Variants in COL2A1 observed in about 807,000 individuals in gnomAD.
COL2A1 encodes the protein collagen alpha-1(II) chain.
A neutral mutation model predicts 204.5 loss-of-function variants in COL2A1; 28 were observed. The ratio of observed to expected loss-of-function variants is 0.14; its 90% CI spans 0.10 to 0.19. The LOEUF is 0.19. Among genes scored for constraint, COL2A1 ranks in the 10% least tolerant of loss-of-function variants. COL2A1 has a pLI of 1.00. For missense variants in COL2A1, 1,388 were observed against 2,027.5 expected, an observed-to-expected ratio of 0.68 and a Z score of 6.06; for synonymous variants, 708 against 718.7, an observed-to-expected ratio of 0.99 and a Z score of 0.24.
chr12:47,994,138 G>A (rs1291516448), intron 12 of COL2A1, 91 bp from the exon 13 acceptor site: 1 of 1,427,854 alleles, frequency 7.0e-7, no homozygotes. Context: ...GTTCCCTTGG[G>A]CCACCAGGGC....
rs1938967050 is a variant in COL2A1, at chr12:47,980,138, T to C, written c.2626-76A>G. On this transcript the variant is annotated intron_variant, in intron 39 of 53. Coordinates refer to ENST00000380518, the MANE Select transcript of COL2A1 (RefSeq NM_001844.5). The surrounding 1 kb of genome is among the most constrained non-coding windows in gnomAD (Gnocchi z 4.5). ...TGGGCTTCTGTCTGAGCCCCAACAA[T>C]GGACCCCTGAGGTTTTCGAAGATGC... The C allele has an allele frequency of 1.5e-6, 2 of 1,332,336 alleles. No homozygotes were observed. The highest frequency in any genetic ancestry group is 1.5e-5 in the African/African-American group (1 of 68,718). The allele number at this position is 1,332,336 out of a possible 1,614,324, so 82.5% of individuals were successfully genotyped here.
intron 52 of COL2A1, 69 bp downstream of exon 52, chr12:47,974,606 C>T: frequency 4.5e-6 from 7 of 1,560,462 alleles, no homozygotes; most frequent in Non-Finnish European, 6.2e-6. Flanking sequence ...TAAAAGCTTC[C>T]AGGGAGAAAG....
intron 31 of COL2A1, 115 bp downstream of exon 31, chr12:47,983,270 C>G: frequency 6.8e-7 from 1 of 1,476,086 alleles, no homozygotes; most frequent in South Asian, 1.2e-5. Context: ...GACATGGGTC[C>G]AGGACATTCC....
Position 47,974,334 on chromosome 12 carries a change from G to A in COL2A1, c.4075-3C>T, listed in dbSNP as rs757931927. 3.1e-6 allele frequency: 5 copies of A among 1,613,878 alleles called. No individual in the cohort carries two copies. In the African/African-American group the frequency reaches 6.7e-5, roughly 22 times the overall value. ...AGATTGTCATCTCCATAGCTGAACT[G>A]TTGGGGCAGAGAGCGGCAGTGTGAG... is the stretch of plus-strand genomic sequence containing the variant. On this transcript the variant is annotated splice_polypyrimidine_tract_variant and splice_region_variant and intron_variant, in intron 52 of 53. Coordinates refer to ENST00000380518, the MANE Select transcript of COL2A1 (RefSeq NM_001844.5).
At chr12:47,981,318 C>T in intron 37 of COL2A1, 25 bp downstream of exon 37, 1 of 1,610,696 alleles carries the variant, frequency 6.2e-7, no homozygotes, top group Non-Finnish European at 8.5e-7. Context: ...CGGGCAGAGC[C>T]AGGCTCAGAG....
Position 47,976,421 on chromosome 12 carries a change from T to C in COL2A1, c.3489+93A>G, listed in dbSNP as rs961476873. ...GAGTGAGGACCCCTGAGCCCACAGC[T>C]TCCCCAGAAGCAGCAGCATTTCCCT... On this transcript the variant is annotated intron_variant, in intron 49 of 53. Transcript: ENST00000380518. This position sits in a 1 kb window ranked among gnomAD's most constrained non-coding sequence, Gnocchi z 4.3. 4.9e-6 allele frequency: 7 copies of C among 1,437,178 alleles called. No individual in the cohort carries two copies. In the East Asian group the frequency reaches 1.4e-4, roughly 28 times the overall value. 89.0% of individuals were successfully genotyped at this position (1,437,178 alleles called of 1,614,324 possible). A position where few individuals can be genotyped will look rare whatever the true frequency, so the allele number is the denominator to read the frequency against.
chr12:47,978,413 G>T lies in COL2A1; in HGVS notation c.2896-15C>A. The T allele has an allele frequency of 6.2e-7, 1 of 1,612,108 alleles. No homozygotes were observed. The highest frequency in any genetic ancestry group is 8.5e-7 in the Non-Finnish European group (1 of 1,178,856). On this transcript the variant is annotated splice_polypyrimidine_tract_variant and intron_variant, in intron 42 of 53. Coordinates refer to ENST00000380518, the MANE Select transcript of COL2A1 (RefSeq NM_001844.5). This position sits in a 1 kb window ranked among gnomAD's most constrained non-coding sequence, Gnocchi z 5.5. ...CCTTCGGCACCCTGAGAGAGGAGAG[G>T]CAGGAGATGAGAACTGACAGTGGCC...
chr12:47,997,501 A>G, intron 7 of COL2A1, 105 bp downstream of exon 7: 2 of 1,602,162 alleles, frequency 1.2e-6, no homozygotes, highest in Non-Finnish European at 1.7e-6. Flanking sequence ...GGCTATGTAC[A>G]CACTGCTGGC....
Position 47,984,881 on chromosome 12 carries a change from C to T in COL2A1, c.1833+114G>A, listed in dbSNP as rs1939304139. Reference sequence around the variant, plus strand: ...CACTGCCACCCATGGCACAGGAGCCCCACTCATCACTGTCCCTGGTTAAAC... The same window carrying T: ...CACTGCCACCCATGGCACAGGAGCCTCACTCATCACTGTCCCTGGTTAAAC... On this transcript the variant is annotated intron_variant, in intron 27 of 53. Coordinates refer to ENST00000380518, the MANE Select transcript of COL2A1 (RefSeq NM_001844.5). The T allele has an allele frequency of 1.1e-5, 10 of 915,242 alleles. No homozygotes were observed. The South Asian group carries it at 1.4e-4, about 13-fold the overall frequency. The allele number at this position is 915,242 out of a possible 1,614,324, so 56.7% of individuals were successfully genotyped here.
At position 47,974,676 on chromosome 12, in the gene COL2A1, T is replaced by C. The variant is rs749485192; in HGVS notation, c.4073A>G (p.His1358Arg). The part of the protein sequence containing the change: ...WFGETINGGF[H>R]FSYGDDNLAP... Reference sequence around the variant, plus strand: ...CATCTAGGGCACCCAGGTACTCACATGGAAGCCACCATTGATGGTTTCTCC... The same window carrying C: ...CATCTAGGGCACCCAGGTACTCACACGGAAGCCACCATTGATGGTTTCTCC... The change falls in exon 52 of 54, where the codon CAT becomes CGT. Residue 1358 changes from histidine to arginine, a missense_variant and splice_region_variant. By Grantham distance (29) the His-to-Arg change is conservative. Coordinates refer to ENST00000380518, the MANE Select transcript of COL2A1 (RefSeq NM_001844.5). 11 of 1,614,052 alleles carry C rather than the reference T, an allele frequency of 6.8e-6. No homozygotes were observed. In the Admixed American group the frequency reaches 1.8e-4, roughly 27 times the overall value.
At chr12:47,979,891 G>C (rs1938945405) in intron 40 of COL2A1, 118 bp downstream of exon 40, 1 of 949,370 alleles carries the variant, frequency 1.1e-6, no homozygotes, top group East Asian at 2.6e-5. Context: ...CTTAGGCTGG[G>C]GACCAACGCA....
Position 47,996,656 on chromosome 12 carries a change from T to G in COL2A1, c.532-31A>C, listed in dbSNP as rs747362793. 5 of 1,590,144 alleles carry G rather than the reference T, an allele frequency of 3.1e-6. No homozygotes were observed. In the South Asian group the frequency reaches 4.4e-5, roughly 14 times the overall value. ...AAGAAACCCAACAACGTTAGGAGGTTGAAAGGCACTAGGTCTTCCCTACTT... is the reference window on the plus strand; with the variant it reads ...AAGAAACCCAACAACGTTAGGAGGTGGAAAGGCACTAGGTCTTCCCTACTT... On this transcript the variant is annotated intron_variant, in intron 7 of 53. Transcript: ENST00000380518.
At position 47,980,403 on chromosome 12, in the gene COL2A1, A is replaced by T; in HGVS notation, c.2625+151T>A. 2 of 774,984 alleles carry T rather than the reference A, an allele frequency of 2.6e-6. No homozygotes were observed. Among genetic ancestry groups the T allele is most frequent in the Non-Finnish European group, 4.5e-6 (2 of 448,530 alleles). 48.0% of individuals were successfully genotyped at this position (774,984 alleles called of 1,614,324 possible). A position where few individuals can be genotyped will look rare whatever the true frequency, so the allele number is the denominator to read the frequency against. ...GTCAGTCCCTACACCCCACCCACAC[A>T]GCCCACATGCCACATGGAAGCTCCT... On this transcript the variant is annotated intron_variant, in intron 39 of 53. Transcript: ENST00000380518. This position sits in a 1 kb window ranked among gnomAD's most constrained non-coding sequence, Gnocchi z 4.5.
rs748788147 is a variant in COL2A1, at chr12:47,978,734, G to A, written c.2758C>T (p.Pro920Ser). 3 of 1,613,040 alleles carry A rather than the reference G, an allele frequency of 1.9e-6. No individual in the cohort carries two copies. Among genetic ancestry groups the A allele is most frequent in the South Asian group, 1.1e-5 (1 of 91,084 alleles). ...SNGNPGPPGP[P>S]GPSGKDGPKG... is the part of the protein sequence containing the mutation. The stretch of plus-strand genomic sequence containing the variant: ...GGACCATCTTTTCCAGAAGGACCAG[G>A]GGGACCAGGGGGTCCAGGGTTGCCC... Residue 920 changes from proline to serine, a missense_variant, in exon 42 of 54, where the codon CCT (proline) becomes TCT (serine). By Grantham distance (74) the Pro-to-Ser change is moderately conservative. This residue lies in a region of COL2A1 where 884 missense variants were observed against 1,415.8 expected (regional missense o/e 0.62). Transcript: ENST00000380518. The surrounding 1 kb of genome is among the most constrained non-coding windows in gnomAD (Gnocchi z 5.5).
At chr12:48,003,973 G>C (rs1940353575) in intron 1 of COL2A1, among the ~76,000 whole-genome samples, 1 of 152,232 alleles carries the variant, frequency 6.6e-6, no homozygotes, top group Non-Finnish European at 1.5e-5. Flanking sequence ...CCAACACTTT[G>C]CAAGTTCAGT....
In COL2A1 at chr12:47,996,577, CGCCACCA is replaced by C; in HGVS notation, c.573_579del (p.Gly192ProfsTer5). ...GGTCCTTGCATTACTCCCAACTGGG[CGCCACCA>C]GCCTTTTCATCAAATCCTCCAGCCA... is the stretch of plus-strand genomic sequence containing the variant. On this transcript the variant is annotated frameshift_variant, in exon 8 of 54. Coordinates refer to ENST00000380518, the MANE Select transcript of COL2A1 (RefSeq NM_001844.5). LOFTEE classifies it high-confidence loss of function. The C allele has an allele frequency of 6.2e-7, 1 of 1,614,204 alleles. No homozygotes were observed. Among genetic ancestry groups the C allele is most frequent in the Non-Finnish European group, 8.5e-7 (1 of 1,180,024 alleles).
In COL2A1 at chr12:47,987,317, A is replaced by G; in HGVS notation, c.1222-4T>C. On this transcript the variant is annotated splice_polypyrimidine_tract_variant and splice_region_variant and intron_variant, in intron 19 of 53. Coordinates refer to ENST00000380518, the MANE Select transcript of COL2A1 (RefSeq NM_001844.5). This position sits in a 1 kb window ranked among gnomAD's most constrained non-coding sequence, Gnocchi z 4.1. ...TTCCATCTGTTCCAGGGTTACCCTG[A>G]AAAGGGAGACATTGTCAAATAAGCA... 6.2e-7 allele frequency: 1 copy of G among 1,614,012 alleles called. No individual in the cohort carries two copies. Among genetic ancestry groups the G allele is most frequent in the Non-Finnish European group, 8.5e-7 (1 of 1,179,932 alleles).
rs766323793 is a variant in COL2A1 at position 47,995,695 on chromosome 12, C to T, written c.708+15G>A. 36 of 1,613,306 alleles carry T rather than the reference C, an allele frequency of 2.2e-5. No individual in the cohort carries two copies. The highest frequency in any genetic ancestry group is 2.5e-5 in the Non-Finnish European group (30 of 1,179,484). On this transcript the variant is annotated intron_variant, in intron 10 of 53. Coordinates refer to ENST00000380518, the MANE Select transcript of COL2A1 (RefSeq NM_001844.5). Reference sequence around the variant, plus strand: ...GGCTCCCCCAGAGAAGGGACAGGGCCGTGCTGGTACTCACAGAGACACCAG... The same window carrying T: ...GGCTCCCCCAGAGAAGGGACAGGGCTGTGCTGGTACTCACAGAGACACCAG...
rs763129192 is a variant in COL2A1, at chr12:47,977,991, AG to A, written c.3111+18del. ...CCCTCTCCCCAATCAGGGCCACCCCAGGGGGTCTCACTGCTCACCTCTCGTC... is the reference window on the plus strand; with the variant it reads ...CCCTCTCCCCAATCAGGGCCACCCCAGGGGTCTCACTGCTCACCTCTCGTC... On this transcript the variant is annotated intron_variant, in intron 44 of 53. Coordinates refer to ENST00000380518, the MANE Select transcript of COL2A1 (RefSeq NM_001844.5). 3.1e-6 allele frequency: 5 copies of A among 1,608,008 alleles called. No homozygotes were observed. The South Asian group carries it at 4.4e-5, about 14-fold the overall frequency.
Sources: gnomAD v4.1 joint callset for allele counts (sites outside exome capture counted in the v4.1 genomes callset) on GRCh38, gnomAD v4.1.1 for gene constraint, gnomAD v4.1.1 regional missense constraint, Gnocchi (gnomAD v3.1) non-coding constraint, MANE v1.5 for transcripts, NCBI Gene and HGNC (gene_info 2026-07-23, HGNC 2026-07-21) for gene names.